CACNA2D3: variants seen among roughly 807,000 people sequenced by gnomAD.
CACNA2D3 encodes voltage-dependent calcium channel subunit alpha-2/delta-3.
A neutral mutation model predicts 160.6 loss-of-function variants in CACNA2D3; 60 were observed. The observed-to-expected ratio is 0.37, with a 90% confidence interval of 0.30 to 0.46. The LOEUF is 0.46. CACNA2D3 is among the 20% of genes least tolerant of loss of function. The probability of loss-of-function intolerance (pLI) is 1.00; values close to 1 mark genes in which losing one functional copy is unlikely to be tolerated. For synonymous variants in CACNA2D3, 558 were observed against 492.9 expected (o/e 1.13, Z -1.75); for missense variants, 1,205 against 1,365.0 (o/e 0.88, Z 1.85).
chr3:54,499,187 A>C (rs1014353124), intron 4 of CACNA2D3, among the ~76,000 whole-genome samples: 1 of 152,120 alleles, frequency 6.6e-6, no homozygotes, highest in Non-Finnish European at 1.5e-5. Flanking sequence ...CACCACTTCC[A>C]ATGTATTATT....
Position 54,503,554 on chromosome 3 carries a change from G to T in CACNA2D3, c.444G>T (p.Leu148=). The T allele has an allele frequency of 6.2e-7, 1 of 1,613,700 alleles. No individual in the cohort carries two copies. The highest frequency in any genetic ancestry group is 8.5e-7 in the Non-Finnish European group (1 of 1,179,628). The change falls in exon 5 of 38, where the codon CTG becomes CTT. Residue 148 remains leucine (L), a synonymous_variant. Coordinates refer to ENST00000474759, the MANE Select transcript of CACNA2D3 (RefSeq NM_018398.3). ...ERDKDGNFLE[L]GKEFILAPND... ...ACAAAGACGGGAATTTTTTGGAGCT[G>T]GGAAAGGAATTCATCTTAGCCCCAA...
chr3:54,894,573 A>T (rs532117752), intron 25 of CACNA2D3: 1 of 512,538 alleles, frequency 2.0e-6, no homozygotes, highest in South Asian at 1.4e-5. Context: ...TGTGCTGCAT[A>T]GACAGGGCAC....
chr3:54,414,668 T>G (rs1202706785), intron 4 of CACNA2D3, among the ~76,000 whole-genome samples: 1 of 152,042 alleles, frequency 6.6e-6, no homozygotes, highest in East Asian at 1.9e-4. Context: ...TTTTTCTTGT[T>G]ACAACATTTT....
At chr3:54,297,298 C>T (rs1703362966) in intron 2 of CACNA2D3, among the ~76,000 whole-genome samples, 1 of 152,120 alleles carries the variant, frequency 6.6e-6, no homozygotes, top group South Asian at 2.1e-4. Context: ...TGGGACAGTT[C>T]ATGGGTCAGG....
intron 4 of CACNA2D3, among the ~76,000 whole-genome samples, chr3:54,444,229 C>T (rs1433394333): frequency 3.3e-5 from 5 of 152,152 alleles, no homozygotes; most frequent in African/African-American, 1.2e-4. Flanking sequence ...TTAGAGTCTC[C>T]CAGGAATTTA....
intron 4 of CACNA2D3, among the ~76,000 whole-genome samples, chr3:54,435,289 A>G (rs1431312166): frequency 6.6e-6 from 1 of 152,114 alleles, no homozygotes; most frequent in African/African-American, 2.4e-5. Context: ...TTCTGCACCA[A>G]CAAAGATTGT....
At chr3:54,510,826 A>G (rs1334538652) in intron 5 of CACNA2D3, among the ~76,000 whole-genome samples, 2 of 152,218 alleles carry the variant, frequency 1.3e-5, no homozygotes. Context: ...CACCTGGCAC[A>G]CGGAGGAATT....
chr3:54,905,165 G>A (rs142523851), intron 27 of CACNA2D3, among the ~76,000 whole-genome samples: 1 of 152,240 alleles, frequency 6.6e-6, no homozygotes, highest in Non-Finnish European at 1.5e-5. Context: ...GTAAGTTTGG[G>A]AGTTGATTTG....
chr3:54,827,455 T>C (rs1431489191), intron 14 of CACNA2D3, among the ~76,000 whole-genome samples: 1 of 152,272 alleles, frequency 6.6e-6, no homozygotes, highest in African/African-American at 2.4e-5. Flanking sequence ...AGCATGTTAA[T>C]GCAGGTCTGT....
chr3:54,830,732 C>T (rs1459196018), intron 14 of CACNA2D3, among the ~76,000 whole-genome samples: 1 of 152,126 alleles, frequency 6.6e-6, no homozygotes, highest in Non-Finnish European at 1.5e-5. Context: ...GCCACTTGGC[C>T]TCCCAAAGTG....
At chr3:54,183,864 A>G (rs1447708553) in intron 2 of CACNA2D3, among the ~76,000 whole-genome samples, 1 of 144,904 alleles carries the variant, frequency 6.9e-6, no homozygotes. Context: ...GAGCCTCAGC[A>G]ACAAAAGCGA....
intron 18 of CACNA2D3, 142 bp from the exon 19 acceptor site, chr3:54,878,876 G>T (rs1247426071): frequency 3.7e-6 from 2 of 536,712 alleles, no homozygotes; most frequent in Admixed American, 7.6e-5. Context: ...TACATGAGCA[G>T]TTGGGTGTTT....
chr3:54,780,402 C>T (rs1266583788), intron 13 of CACNA2D3, among the ~76,000 whole-genome samples: 3 of 152,180 alleles, frequency 2.0e-5, no homozygotes, highest in Admixed American at 6.5e-5. Flanking sequence ...AGATTGATTG[C>T]TTAAGGCATA....
chr3:54,182,844 A>G (rs1700807002), intron 2 of CACNA2D3, among the ~76,000 whole-genome samples: 2 of 152,214 alleles, frequency 1.3e-5, no homozygotes, highest in African/African-American at 2.4e-5. Context: ...CAATTTGAAA[A>G]TAACAATCAG....
rs66526065 is a variant in CACNA2D3, at chr3:54,554,870, CTTTTTT to C, written c.545-7914_545-7909del. 4.2e-4 allele frequency among the ~76,000 whole-genome samples: 40 copies of C among 96,138 alleles called. 1 individual carries two copies. Among genetic ancestry groups the C allele is most frequent in the African/African-American group, 1.4e-3 (32 of 23,620 alleles). The allele number at this position is 96,138 out of a possible 152,430, so 63.1% of individuals were successfully genotyped here. On this transcript the variant is annotated intron_variant, in intron 5 of 37. Coordinates refer to ENST00000474759, the MANE Select transcript of CACNA2D3 (RefSeq NM_018398.3). ...TTTCTTTTCTTTTCTCTCTCACTCTCTTTTTTTTTTTTTTTTTTTTTGGAGACAAGG... is the reference window on the plus strand; with the variant it reads ...TTTCTTTTCTTTTCTCTCTCACTCTCTTTTTTTTTTTTTTTGGAGACAAGG...
chr3:54,249,753 A>G (rs1042631460), intron 2 of CACNA2D3, among the ~76,000 whole-genome samples: 6 of 137,546 alleles, frequency 4.4e-5, no homozygotes, highest in African/African-American at 1.7e-4. Context: ...AACATTCTAT[A>G]CCAAAATTAT....
rs57761171 is a variant in CACNA2D3 at position 54,171,136 on chromosome 3, C to CTT, written c.204+47563_204+47564dup. ...TCTGTTTACATTTTAAAGATGATGA[C>CTT]TTTTTTTTTTTTTTTTTTTTTTAGG... On this transcript the variant is annotated intron_variant, in intron 2 of 37. Coordinates refer to ENST00000474759, the MANE Select transcript of CACNA2D3 (RefSeq NM_018398.3). Among the ~76,000 whole-genome samples, 73 of 62,550 alleles carry CTT rather than the reference C, an allele frequency of 1.2e-3. 8 individuals carry two copies. The East Asian group carries it at 0.015, about 12-fold the overall frequency. 41.0% of individuals were successfully genotyped at this position (62,550 alleles called of 152,430 possible). A position where few individuals can be genotyped will look rare whatever the true frequency, so the allele number is the denominator to read the frequency against.
rs866952199 is a variant in CACNA2D3, at chr3:54,138,792, C to T, written c.204+15198C>T. Reference sequence around the variant, plus strand: ...GTGATGGAAGAGCCAGGTGAAGGACCACCATCCCAGATGAAAAGGTGACTA... The same window carrying T: ...GTGATGGAAGAGCCAGGTGAAGGACTACCATCCCAGATGAAAAGGTGACTA... On this transcript the variant is annotated intron_variant, in intron 2 of 37. Transcript: ENST00000474759. 9.2e-5 allele frequency among the ~76,000 whole-genome samples: 14 copies of T among 152,350 alleles called. 1 individual carries two copies. The Middle Eastern group carries it at 0.02, about 222-fold the overall frequency.
intron 2 of CACNA2D3, among the ~76,000 whole-genome samples, chr3:54,249,662 TACAC>T (rs10656572): frequency 0.025 from 3,356 of 132,774 alleles, 80 homozygotes; most frequent in East Asian, 0.085. Context: ...TCTGTTTACG[TACAC>T]ACACACACAC....
Sources: allele counts gnomAD v4.1 joint callset (sites outside exome capture counted in the v4.1 genomes callset), GRCh38; gene constraint gnomAD v4.1.1; transcripts MANE v1.5; gene names NCBI Gene and HGNC (gene_info 2026-07-23, HGNC 2026-07-21).